Variants in CDH20 observed in about 807,000 individuals in gnomAD.
The protein encoded by CDH20 is cadherin-20.
Under a neutral mutation model 74.2 loss-of-function variants are expected in CDH20, and 29 were observed. The ratio of observed to expected loss-of-function variants is 0.39; its 90% confidence interval spans 0.29 to 0.53. The LOEUF (loss-of-function observed/expected upper bound fraction) is 0.53, where lower values mean the gene tolerates loss of function less well. Ranked by LOEUF, CDH20 falls within the 20% of genes least tolerant of loss-of-function variation. The pLI is 0.69. For synonymous variants in CDH20, 469 were observed against 405.4 expected, an observed-to-expected ratio of 1.16 and a Z score of -1.88; for missense variants, 988 against 1,048.3, an observed-to-expected ratio of 0.94 and a Z score of 0.79.
intron 1 of CDH20, among the ~76,000 whole-genome samples, chr18:61,387,976 C>G (rs1483917194): frequency 6.6e-6 from 1 of 151,596 alleles, no homozygotes; most frequent in African/African-American, 2.4e-5. Context: ...AAAAAAAAAA[C>G]CCTTACAATA....
Position 61,437,494 on chromosome 18 carries a change from A to T in CDH20, c.-152-52908A>T, listed in dbSNP as rs573794048. 2.3e-3 allele frequency among the ~76,000 whole-genome samples: 343 copies of T among 152,300 alleles called. 2 individuals are homozygous for T. The highest frequency in any genetic ancestry group is 2.7e-3 in the Non-Finnish European group (184 of 68,016). ...TTGTTAAATGAAGGGCTGAATAGGCACCCTAAAACACTTTCATGTTGAAAG... is the reference window on the plus strand; with the variant it reads ...TTGTTAAATGAAGGGCTGAATAGGCTCCCTAAAACACTTTCATGTTGAAAG... On this transcript the variant is annotated intron_variant, in intron 1 of 11. Transcript: ENST00000262717.
rs1037261512 is a variant in CDH20, at chr18:61,519,318, C to T, written c.1018-8649C>T. 6.8e-4 allele frequency among the ~76,000 whole-genome samples: 102 copies of T among 151,098 alleles called. 6 individuals carry two copies. The highest frequency in any genetic ancestry group is 2.3e-3 in the African/African-American group (93 of 40,646). On this transcript the variant is annotated intron_variant, in intron 6 of 11. Coordinates refer to ENST00000262717, the MANE Select transcript of CDH20 (RefSeq NM_031891.4). The stretch of plus-strand genomic sequence containing the variant: ...GAAGAGCAACCCCAAGACACATAAT[C>T]GTCAGATTCACCAAGGTTGAAATGA...
intron 7 of CDH20, among the ~76,000 whole-genome samples, chr18:61,533,041 G>T (rs555101024): frequency 2.6e-5 from 4 of 152,294 alleles, no homozygotes; most frequent in Admixed American, 2.6e-4. Context: ...CACTACTTGG[G>T]AGATTGAGGC....
Position 61,550,053 on chromosome 18 carries a change from T to C in CDH20, c.1724T>C (p.Leu575Pro). Residue 575 changes from leucine (L) to proline (P), a missense_variant, in exon 11 of 12, where the codon CTG becomes CCG. Physicochemically the swap from Leu to Pro is moderately conservative, Grantham distance 98. This residue lies in a region of CDH20 where 613 missense variants were observed against 755.2 expected (regional missense o/e 0.81). Coordinates refer to ENST00000262717, the MANE Select transcript of CDH20 (RefSeq NM_031891.4). ...CAGAGTGTCTTTCACCTGCCTATCC[T>C]GATAGCAGATAGCGGGCAGCCCGTG... ...QEQSVFHLPI[L>P]IADSGQPVLS... The C allele has an allele frequency of 1.2e-6, 2 of 1,614,220 alleles. No homozygotes were observed. The highest frequency in any genetic ancestry group is 1.7e-6 in the Non-Finnish European group (2 of 1,180,030).
chr18:61,509,137 G>A (rs980874369), intron 6 of CDH20, among the ~76,000 whole-genome samples: 2 of 152,198 alleles, frequency 1.3e-5, no homozygotes, highest in African/African-American at 4.8e-5. Flanking sequence ...TACTGCTCAG[G>A]TGATGGGTGC....
intron 1 of CDH20, among the ~76,000 whole-genome samples, chr18:61,380,676 G>T (rs962013905): frequency 6.6e-6 from 1 of 152,152 alleles, no homozygotes; most frequent in African/African-American, 2.4e-5. Flanking sequence ...CAGCGTGGTG[G>T]CACATGCCTG....
intron 1 of CDH20, chr18:61,404,976 T>C (rs1043860904): frequency 1.4e-6 from 1 of 710,224 alleles, no homozygotes; most frequent in African/African-American, 1.8e-5. Flanking sequence ...TTCAATATTA[T>C]TGCCACTGTA....
rs146520806 is a variant in CDH20 at position 61,549,967 on chromosome 18, C to G, written c.1649-11C>G. Reference sequence around the variant, plus strand: ...TCCCTTTTCCAATCCTGGAACCCCTCCTTCTTTCAGATAACACAGCACGGA... The same window carrying G: ...TCCCTTTTCCAATCCTGGAACCCCTGCTTCTTTCAGATAACACAGCACGGA... On this transcript the variant is annotated splice_polypyrimidine_tract_variant and intron_variant, in intron 10 of 11. Transcript: ENST00000262717. The G allele has an allele frequency of 7.6e-4, 1,217 of 1,605,626 alleles. 9 individuals are homozygous for G. The African/African-American group carries it at 0.014, about 18-fold the overall frequency.
intron 1 of CDH20, among the ~76,000 whole-genome samples, chr18:61,451,882 A>G (rs1909399430): frequency 6.6e-6 from 1 of 152,156 alleles, no homozygotes; most frequent in African/African-American, 2.4e-5. Context: ...TTCCCTTTAT[A>G]AGAACTGACA....
intron 4 of CDH20, among the ~76,000 whole-genome samples, chr18:61,502,609 A>G (rs1911421497): frequency 6.6e-6 from 1 of 152,150 alleles, no homozygotes; most frequent in Admixed American, 6.5e-5. Flanking sequence ...CAAAGCCCCC[A>G]GTTTTCCTTG....
At chr18:61,514,190 T>C (rs1911893630) in intron 6 of CDH20, among the ~76,000 whole-genome samples, 1 of 151,542 alleles carries the variant, frequency 6.6e-6, no homozygotes, top group Non-Finnish European at 1.5e-5. Flanking sequence ...TTGGAGGCTT[T>C]GCTCATTTCT....
intron 6 of CDH20, among the ~76,000 whole-genome samples, chr18:61,517,907 G>A (rs535122660): frequency 2.0e-5 from 3 of 152,164 alleles, no homozygotes; most frequent in South Asian, 2.1e-4. Context: ...GTCTGTAGTC[G>A]ACCTGGGACA....
At chr18:61,551,049 G>A (rs1913415749) in intron 11 of CDH20, among the ~76,000 whole-genome samples, 1 of 152,190 alleles carries the variant, frequency 6.6e-6, no homozygotes, top group Non-Finnish European at 1.5e-5. Context: ...CAGGCTAGCA[G>A]TGGCAGAACA....
chr18:61,429,279 G>A (rs1336416307), intron 1 of CDH20, among the ~76,000 whole-genome samples: 1 of 152,124 alleles, frequency 6.6e-6, no homozygotes, highest in Non-Finnish European at 1.5e-5. Flanking sequence ...CCTCATCCCA[G>A]ACACAGACCA....
In CDH20 at chr18:61,540,875, C is replaced by T. The variant is rs182183951; in HGVS notation, c.1530+1730C>T. Among the ~76,000 whole-genome samples, 32 of 152,300 alleles carry T rather than the reference C, an allele frequency of 2.1e-4. 1 individual carries two copies. In the East Asian group the frequency reaches 5.6e-3, roughly 27 times the overall value. On this transcript the variant is annotated intron_variant, in intron 9 of 11. Transcript: ENST00000262717. The stretch of plus-strand genomic sequence containing the variant: ...CCAAAGCAAAAAGTGATTTATGTCC[C>T]TCAGGGGAAGAAAGATGTTCCATCA...
intron 1 of CDH20, among the ~76,000 whole-genome samples, chr18:61,429,369 C>T (rs1314874834): frequency 3.3e-5 from 5 of 152,154 alleles, no homozygotes; most frequent in Non-Finnish European, 7.3e-5. Context: ...CATTTCCTCT[C>T]ACAGTTGTTC....
intron 7 of CDH20, among the ~76,000 whole-genome samples, chr18:61,532,752 T>G (rs979452053): frequency 7.2e-5 from 11 of 152,162 alleles, no homozygotes; most frequent in African/African-American, 2.7e-4. Flanking sequence ...AAATGTTTAT[T>G]CCCTCCAAAA....
intron 6 of CDH20, among the ~76,000 whole-genome samples, chr18:61,516,729 G>A (rs1479665765): frequency 1.3e-5 from 2 of 152,186 alleles, no homozygotes; most frequent in Non-Finnish European, 2.9e-5. Flanking sequence ...ATTATCAAGT[G>A]TGGGCAATTT....
chr18:61,455,904 G>T (rs1325665443), intron 1 of CDH20, among the ~76,000 whole-genome samples: 1 of 152,196 alleles, frequency 6.6e-6, no homozygotes, highest in Non-Finnish European at 1.5e-5. Context: ...TATCTAAATT[G>T]TATAGGTAAC....
Sources: gnomAD v4.1 joint callset for allele counts (sites outside exome capture counted in the v4.1 genomes callset) on GRCh38, gnomAD v4.1.1 for gene constraint, gnomAD v4.1.1 regional missense constraint, MANE v1.5 for transcripts, NCBI Gene and HGNC (gene_info 2026-07-23, HGNC 2026-07-21) for gene names.